Variants in ROBO2 observed in about 807,000 individuals in gnomAD.
ROBO2 encodes roundabout homolog 2.
A neutral mutation model predicts 160.8 loss-of-function variants in ROBO2; 53 were observed. The ratio of observed to expected loss-of-function variants is 0.33; its 90% CI spans 0.26 to 0.41. The LOEUF (loss-of-function observed/expected upper bound fraction) is 0.41, where lower values mean the gene tolerates loss of function less well. Ranked by LOEUF, ROBO2 falls within the 10% of genes least tolerant of loss-of-function variation. The pLI, the probability that ROBO2 is intolerant of heterozygous loss-of-function variation, is 1.00. For synonymous variants in ROBO2, 664 were observed against 611.7 expected, an observed-to-expected ratio of 1.09 and a Z score of -1.26; for missense variants, 1,577 against 1,722.4, an observed-to-expected ratio of 0.92 and a Z score of 1.49.
intron 2 of ROBO2, among the ~76,000 whole-genome samples, chr3:75,950,428 T>C (rs1189231295): frequency 6.6e-6 from 1 of 152,116 alleles, no homozygotes. Flanking sequence ...TATGAAGATA[T>C]AAATAGAATA....
intron 2 of ROBO2, among the ~76,000 whole-genome samples, chr3:76,128,642 C>T (rs553881918): frequency 7.0e-5 from 10 of 142,732 alleles, no homozygotes; most frequent in Non-Finnish European, 1.4e-4. Context: ...TGTGTGTGTT[C>T]ATATGAATTC....
intron 13 of ROBO2, among the ~76,000 whole-genome samples, chr3:77,568,956 G>A (rs1410134018): frequency 6.6e-6 from 1 of 151,852 alleles, no homozygotes; most frequent in Non-Finnish European, 1.5e-5. Flanking sequence ...ATGTTTTTGA[G>A]GTTCATCCAT....
At chr3:76,839,001 ACT>A (rs1004203092) in intron 2 of ROBO2, among the ~76,000 whole-genome samples, 18 of 152,020 alleles carry the variant, frequency 1.2e-4, no homozygotes, top group Admixed American at 6.6e-4. Flanking sequence ...AGATTTGAAC[ACT>A]CTGCCTCACT....
At chr3:77,001,153 G>T (rs1475425210) in intron 2 of ROBO2, among the ~76,000 whole-genome samples, 4 of 152,110 alleles carry the variant, frequency 2.6e-5, no homozygotes, top group African/African-American at 4.8e-5. Context: ...AAATTATGTT[G>T]CATAAATGAA....
chr3:76,622,596 T>A (rs1303050807), intron 2 of ROBO2, among the ~76,000 whole-genome samples: 1 of 152,168 alleles, frequency 6.6e-6, no homozygotes, highest in East Asian at 1.9e-4. Context: ...AGATTCTTCA[T>A]TGCCTGGTCC....
intron 2 of ROBO2, among the ~76,000 whole-genome samples, chr3:76,941,172 G>T (rs547682926): frequency 4.6e-4 from 70 of 151,224 alleles, no homozygotes; most frequent in Non-Finnish European, 8.5e-4. Flanking sequence ...CATTTTTTTT[G>T]ATGGATTCTT....
chr3:76,374,159 C>G (rs2076235121), intron 2 of ROBO2, among the ~76,000 whole-genome samples: 1 of 151,888 alleles, frequency 6.6e-6, no homozygotes, highest in Admixed American at 6.6e-5. Flanking sequence ...AAACGAGTCC[C>G]CCCTCCCATG....
At chr3:77,230,343 T>G (rs2151279326) in intron 2 of ROBO2, among the ~76,000 whole-genome samples, 1 of 152,164 alleles carries the variant, frequency 6.6e-6, no homozygotes, top group Middle Eastern at 3.4e-3. Flanking sequence ...CTTGGCCTCC[T>G]AAATTGCTGG....
chr3:76,678,131 C>T (rs1432368330), intron 2 of ROBO2, among the ~76,000 whole-genome samples: 2 of 151,450 alleles, frequency 1.3e-5, no homozygotes, highest in East Asian at 2.0e-4. Context: ...CCACCACGCC[C>T]GGCTAATTTT....
intron 19 of ROBO2, among the ~76,000 whole-genome samples, chr3:77,599,728 A>C (rs1168913915): frequency 6.6e-6 from 1 of 152,188 alleles, no homozygotes; most frequent in Non-Finnish European, 1.5e-5. Flanking sequence ...TAAAAATAGT[A>C]CTTAGAATAA....
intron 2 of ROBO2, among the ~76,000 whole-genome samples, chr3:76,027,050 A>G (rs2066771188): frequency 6.6e-6 from 1 of 152,006 alleles, no homozygotes; most frequent in East Asian, 1.9e-4. Context: ...AGAGATTTCA[A>G]TCATTTCTAT....
intron 2 of ROBO2, among the ~76,000 whole-genome samples, chr3:76,206,973 C>G (rs183466086): frequency 1.3e-5 from 2 of 152,044 alleles, no homozygotes; most frequent in Non-Finnish European, 2.9e-5. Context: ...TTTTTTCATT[C>G]CCATGAGTTT....
At chr3:77,433,039 G>A (rs565233359) in intron 2 of ROBO2, among the ~76,000 whole-genome samples, 7 of 152,154 alleles carry the variant, frequency 4.6e-5, no homozygotes, top group East Asian at 3.9e-4. Flanking sequence ...CCTTATTGTC[G>A]GATGACAATT....
At chr3:75,996,699 C>T (rs2065735271) in intron 2 of ROBO2, among the ~76,000 whole-genome samples, 1 of 152,010 alleles carries the variant, frequency 6.6e-6, no homozygotes, top group Non-Finnish European at 1.5e-5. Flanking sequence ...TTTACCTTTT[C>T]CTCCTAAAGT....
At chr3:77,016,995 AC>A (rs2062310080) in intron 2 of ROBO2, among the ~76,000 whole-genome samples, 3 of 152,182 alleles carry the variant, frequency 2.0e-5, no homozygotes, top group Admixed American at 6.6e-5. Context: ...GTCATCTGAA[AC>A]TTTTCTGCCA....
At chr3:77,550,354 G>A (rs1175174291) in intron 7 of ROBO2, among the ~76,000 whole-genome samples, 2 of 151,990 alleles carry the variant, frequency 1.3e-5, no homozygotes, top group Non-Finnish European at 2.9e-5. Context: ...AGTCCATCAA[G>A]TATTCAAAAT....
intron 2 of ROBO2, among the ~76,000 whole-genome samples, chr3:76,070,820 GA>G (rs2068430748): frequency 6.6e-6 from 1 of 152,070 alleles, no homozygotes; most frequent in African/African-American, 2.4e-5. Context: ...AGGGAAAATA[GA>G]AAAGAACCTA....
intron 2 of ROBO2, among the ~76,000 whole-genome samples, chr3:76,668,181 C>G (rs975398092): frequency 6.6e-6 from 1 of 151,990 alleles, no homozygotes; most frequent in African/African-American, 2.4e-5. Flanking sequence ...CTCACTGCAG[C>G]CTCGACCTCC....
At chr3:76,097,816 T>C (rs1424492044) in intron 2 of ROBO2, among the ~76,000 whole-genome samples, 1 of 152,128 alleles carries the variant, frequency 6.6e-6, no homozygotes, top group East Asian at 1.9e-4. Flanking sequence ...TAGTTCTTGA[T>C]GAGTAGTAGC....
Sources: allele counts gnomAD v4.1 joint callset (sites outside exome capture counted in the v4.1 genomes callset), GRCh38; gene constraint gnomAD v4.1.1; transcripts MANE v1.5; gene names NCBI Gene and HGNC (gene_info 2026-07-23, HGNC 2026-07-21).